Variants in NUP205 observed in about 807,000 individuals in gnomAD.
The protein encoded by NUP205 is nucleoporin 205, also known as nuclear pore complex protein Nup205.
A neutral mutation model predicts 253.8 loss-of-function variants in NUP205; 76 were observed. That is an observed-to-expected ratio of 0.30 (90% CI 0.25 to 0.36). NUP205 has a LOEUF of 0.36. NUP205 is among the 10% of genes least tolerant of loss of function. NUP205 has a pLI of 1.00. For missense variants in NUP205, 2,162 were observed against 2,425.5 expected, an observed-to-expected ratio of 0.89 and a Z score of 2.28; for synonymous variants, 832 against 850.1, an observed-to-expected ratio of 0.98 and a Z score of 0.37.
chr7:135,628,672 T>G (rs934448499), intron 34 of NUP205, among the ~76,000 whole-genome samples: 2 of 152,248 alleles, frequency 1.3e-5, no homozygotes, highest in African/African-American at 4.8e-5. Flanking sequence ...AAAATTAATA[T>G]TATATGTAAT....
chr7:135,594,185 T>A (rs1584659522), intron 12 of NUP205, among the ~76,000 whole-genome samples: 1 of 152,158 alleles, frequency 6.6e-6, no homozygotes, highest in South Asian at 2.1e-4. Context: ...GACAAGGTAT[T>A]TTTTTCATCC....
intron 1 of NUP205, among the ~76,000 whole-genome samples, chr7:135,567,147 T>C (rs1805797098): frequency 2.9e-5 from 2 of 69,188 alleles, no homozygotes; most frequent in African/African-American, 1.1e-4. Flanking sequence ...TATATATATA[T>C]ATATATATAT....
At chr7:135,598,607 A>T (rs1172679133) in intron 15 of NUP205, among the ~76,000 whole-genome samples, 1 of 152,216 alleles carries the variant, frequency 6.6e-6, no homozygotes. Flanking sequence ...GTTGTGGAGT[A>T]CTGGTTTAGC....
chr7:135,578,657 G>C, intron 6 of NUP205, 94 bp from the exon 7 acceptor site: 3 of 833,780 alleles, frequency 3.6e-6, no homozygotes, highest in Non-Finnish European at 5.6e-6. Context: ...CTGTGAGAAT[G>C]CTCAGATTTT....
At chr7:135,593,267 T>G in intron 12 of NUP205, 75 bp downstream of exon 12, 1 of 1,307,920 alleles carries the variant, frequency 7.6e-7, no homozygotes, top group Non-Finnish European at 1.1e-6. Context: ...AAACATTTTC[T>G]TTTAATTTAA....
rs750607729 is a variant in NUP205, at chr7:135,625,256, C to T, written c.4572C>T (p.Val1524=). The change falls in exon 32 of 43, where the codon GTC becomes GTT. Residue 1524 remains valine (V), a synonymous_variant. Coordinates refer to ENST00000285968, the MANE Select transcript of NUP205 (RefSeq NM_015135.3). ...TTTCTAACAGTGGCTACTTGAAGGT[C>T]CTCGTAGACAGCTTGGTAGAAGATG... ...LYLSNSGYLK[V]LVDSLVEDDR... The T allele has an allele frequency of 2.5e-6, 4 of 1,614,098 alleles. No homozygotes were observed. The East Asian group carries it at 8.9e-5, about 36-fold the overall frequency.
chr7:135,576,551 A>G (rs1806156500), intron 4 of NUP205, 137 bp downstream of exon 4: 1 of 742,086 alleles, frequency 1.3e-6, no homozygotes, highest in Non-Finnish European at 2.1e-6. Context: ...CAAGACAGAT[A>G]TAACAATTTA....
intron 1 of NUP205, among the ~76,000 whole-genome samples, chr7:135,566,338 G>C (rs1805758530): frequency 6.6e-6 from 1 of 151,974 alleles, no homozygotes. Flanking sequence ...TGAACTCCTA[G>C]CCTTGGCCTC....
intron 27 of NUP205, among the ~76,000 whole-genome samples, 175 bp downstream of exon 27, chr7:135,617,857 G>T (rs1288061198): frequency 6.6e-6 from 1 of 150,738 alleles, no homozygotes; most frequent in East Asian, 1.9e-4. Context: ...GAACTATCTG[G>T]TATGCCAAAA....
chr7:135,615,121 A>G (rs1425033483), intron 23 of NUP205, among the ~76,000 whole-genome samples: 1 of 152,202 alleles, frequency 6.6e-6, no homozygotes, highest in Non-Finnish European at 1.5e-5. Context: ...TTAACATCTT[A>G]CCTATTATGG....
At chr7:135,613,550 T>C (rs1032996676) in intron 22 of NUP205, among the ~76,000 whole-genome samples, 1 of 150,786 alleles carries the variant, frequency 6.6e-6, no homozygotes, top group African/African-American at 2.4e-5. Context: ...TTTTTCTTTT[T>C]TTTTTGAGAC....
Position 135,587,335 on chromosome 7 carries a change from A to G in NUP205, c.1219-240A>G, listed in dbSNP as rs79511018. 2.8e-3 allele frequency among the ~76,000 whole-genome samples: 434 copies of G among 152,318 alleles called. 9 individuals carry two copies. The East Asian group carries it at 0.051, about 18-fold the overall frequency. On this transcript the variant is annotated intron_variant, in intron 8 of 42. Transcript: ENST00000285968. The stretch of plus-strand genomic sequence containing the variant: ...AGTAATGTCCCCACTGAGAAATACT[A>G]CAGTTAAGTTCAACTTTTCTATAGT...
At chr7:135,647,980 G>C (rs1795042420) in intron 42 of NUP205, among the ~76,000 whole-genome samples, 1 of 152,046 alleles carries the variant, frequency 6.6e-6, no homozygotes, top group Non-Finnish European at 1.5e-5. Context: ...GCAAAATGAA[G>C]TAAAAAGTAA....
chr7:135,637,109 T>G (rs1794824204), intron 36 of NUP205, among the ~76,000 whole-genome samples: 1 of 152,256 alleles, frequency 6.6e-6, no homozygotes, highest in South Asian at 2.1e-4. Context: ...AAAATATATG[T>G]TTCATTTAAA....
chr7:135,637,375 G>A (rs975924927), intron 36 of NUP205, among the ~76,000 whole-genome samples: 6 of 152,210 alleles, frequency 3.9e-5, no homozygotes, highest in Admixed American at 2.0e-4. Flanking sequence ...TTCTCTTTGA[G>A]AACCATGGGA....
At chr7:135,566,071 A>G (rs541951681) in intron 1 of NUP205, among the ~76,000 whole-genome samples, 3 of 152,114 alleles carry the variant, frequency 2.0e-5, no homozygotes, top group African/African-American at 7.2e-5. Context: ...AGATACATAA[A>G]CCAGTATGCC....
chr7:135,565,143 C>T (rs1805715017), intron 1 of NUP205, among the ~76,000 whole-genome samples: 2 of 152,108 alleles, frequency 1.3e-5, no homozygotes, highest in Non-Finnish European at 1.5e-5. Flanking sequence ...CTACCATTCA[C>T]TGAGCTTATT....
chr7:135,640,000 T>C (rs1794888785), intron 38 of NUP205, among the ~76,000 whole-genome samples: 1 of 152,030 alleles, frequency 6.6e-6, no homozygotes, highest in South Asian at 2.1e-4. Context: ...TAAGTGGAAG[T>C]TGAACAATGA....
intron 1 of NUP205, among the ~76,000 whole-genome samples, chr7:135,561,310 C>T (rs1805574378): frequency 6.6e-6 from 1 of 152,196 alleles, no homozygotes. Flanking sequence ...TACCACTGCA[C>T]TCCAGCCTAG....
Sources: allele counts gnomAD v4.1 joint callset (sites outside exome capture counted in the v4.1 genomes callset), GRCh38; gene constraint gnomAD v4.1.1; transcripts MANE v1.5; gene names NCBI Gene and HGNC (gene_info 2026-07-23, HGNC 2026-07-21).